TBC1D21: variants seen among roughly 807,000 people sequenced by gnomAD.
TBC1D21 encodes the protein TBC1 domain family member 21.
In TBC1D21, 38 loss-of-function variants were observed where a neutral mutation model predicts 46.0. That is an observed-to-expected ratio of 0.83 (90% CI 0.64 to 1.08). TBC1D21 has a LOEUF of 1.08. Ranked by LOEUF, TBC1D21 falls within the 50% of genes least tolerant of loss-of-function variation. The probability of loss-of-function intolerance (pLI) is 0.00; values close to 1 mark genes in which losing one functional copy is unlikely to be tolerated. For missense variants in TBC1D21, 415 were observed against 417.9 expected (o/e 0.99, Z 0.06); for synonymous variants, 151 against 157.2 (o/e 0.96, Z 0.29).
chr15:73,888,346 G>A (rs1190759239), intron 9 of TBC1D21, 84 bp from the exon 10 acceptor site: 2 of 1,133,454 alleles, frequency 1.8e-6, no homozygotes, highest in Non-Finnish European at 2.6e-6. Context: ...TTCCCTGGGT[G>A]CTGCAGGCAG....
chr15:73,877,719 T>A (rs1250098191), intron 1 of TBC1D21, among the ~76,000 whole-genome samples: 1 of 152,194 alleles, frequency 6.6e-6, no homozygotes, highest in East Asian at 1.9e-4. Flanking sequence ...TAGTATATCA[T>A]CACCAAGTGG....
intron 6 of TBC1D21, 77 bp from the exon 7 acceptor site, chr15:73,886,001 C>A: frequency 8.1e-7 from 1 of 1,239,572 alleles, no homozygotes; most frequent in Non-Finnish European, 1.2e-6. Context: ...AGAAGTGAAG[C>A]TGGGGGAAGC....
chr15:73,879,566 G>T (rs559115869), intron 1 of TBC1D21, among the ~76,000 whole-genome samples: 6 of 152,172 alleles, frequency 3.9e-5, no homozygotes, highest in African/African-American at 1.4e-4. Flanking sequence ...TGGACTAGCA[G>T]CATCACCTGT....
chr15:73,876,134 A>C (rs1338613183), intron 1 of TBC1D21, among the ~76,000 whole-genome samples: 1 of 147,384 alleles, frequency 6.8e-6, no homozygotes, highest in Non-Finnish European at 1.5e-5. Flanking sequence ...GGAGAGATAC[A>C]GGGAACTGGT....
the TBC1D21 span, among the ~76,000 whole-genome samples, chr15:73,904,715 G>A: frequency 2.0e-5 from 3 of 152,134 alleles, no homozygotes; most frequent in Admixed American, 6.5e-5. Context: ...AAGGAGGGAC[G>A]AGAGGAGCTC....
At chr15:73,895,606 C>G in the TBC1D21 span, among the ~76,000 whole-genome samples, 1 of 152,238 alleles carries the variant, frequency 6.6e-6, no homozygotes, top group Non-Finnish European at 1.5e-5. Flanking sequence ...GGTAGTGCAG[C>G]ATTCAGAGGC....
At chr15:73,875,888 G>A (rs950032887) in intron 1 of TBC1D21, among the ~76,000 whole-genome samples, 4 of 152,188 alleles carry the variant, frequency 2.6e-5, no homozygotes, top group South Asian at 2.1e-4. Context: ...ATGGGAAGAT[G>A]AAGGTTGATT....
chr15:73,898,171 A>C, the TBC1D21 span, among the ~76,000 whole-genome samples: 1 of 152,254 alleles, frequency 6.6e-6, no homozygotes, highest in Non-Finnish European at 1.5e-5. Context: ...GCGCAGGCTC[A>C]CCCAGGGAGC....
chr15:73,888,955 C>A, intron 10 of TBC1D21, 114 bp from the exon 11 acceptor site: 1 of 1,258,862 alleles, frequency 7.9e-7, no homozygotes, highest in Non-Finnish European at 1.1e-6. Flanking sequence ...TCCCTGTGTC[C>A]ATCCCAGTGG....
intron 1 of TBC1D21, among the ~76,000 whole-genome samples, chr15:73,877,343 G>A (rs1361898423): frequency 6.6e-6 from 1 of 151,394 alleles, no homozygotes; most frequent in Non-Finnish European, 1.5e-5. Flanking sequence ...AATTTTTAAA[G>A]TAAAAAATAA....
intron 1 of TBC1D21, among the ~76,000 whole-genome samples, chr15:73,880,551 A>C (rs1299667769): frequency 1.3e-5 from 2 of 152,174 alleles, no homozygotes; most frequent in Non-Finnish European, 2.9e-5. Flanking sequence ...CAGGTGGATC[A>C]CCTGAGGCCA....
At chr15:73,886,714 G>C in intron 8 of TBC1D21, 102 bp downstream of exon 8, 2 of 1,117,140 alleles carry the variant, frequency 1.8e-6, no homozygotes, top group South Asian at 2.6e-5. Flanking sequence ...GGCTTGGATG[G>C]AGTTCAGTAT....
chr15:73,876,212 T>TG (rs1567062301), intron 1 of TBC1D21, among the ~76,000 whole-genome samples: 2,008 of 36,434 alleles, frequency 0.055, 521 homozygotes, highest in East Asian at 0.27. Flanking sequence ...TTTTTTTTTT[T>TG]TTTTTTTTTT....
chr15:73,905,458 G>A, the TBC1D21 span, among the ~76,000 whole-genome samples: 198 of 152,296 alleles, frequency 1.3e-3, 2 homozygotes, highest in East Asian at 7.7e-4. Context: ...GCTGAATTCA[G>A]TACAACCTTT....
chr15:73,901,640 G>A, the TBC1D21 span, among the ~76,000 whole-genome samples: 16 of 152,158 alleles, frequency 1.1e-4, no homozygotes, highest in Non-Finnish European at 2.2e-4. Context: ...GGAGACTCTA[G>A]GGGAGGATCT....
chr15:73,908,103 T>G, the TBC1D21 span: 24 of 152,372 alleles, frequency 1.6e-4, no homozygotes, highest in African/African-American at 5.3e-4. Flanking sequence ...ATTCTCACAT[T>G]TATTGAGATG....
intron 1 of TBC1D21, among the ~76,000 whole-genome samples, chr15:73,879,043 T>C (rs1006949864): frequency 1.3e-5 from 2 of 152,224 alleles, no homozygotes; most frequent in African/African-American, 4.8e-5. Flanking sequence ...TGTAACTTCT[T>C]GGCCCATGTG....
chr15:73,888,534 GTCCTCC>G, intron 10 of TBC1D21, 21 bp downstream of exon 10: 1 of 1,571,190 alleles, frequency 6.4e-7, no homozygotes, highest in Non-Finnish European at 8.7e-7. Flanking sequence ...CCAATGATGT[GTCCTCC>G]TCCTCCTCTT....
intron 1 of TBC1D21, among the ~76,000 whole-genome samples, chr15:73,877,895 T>TAG (rs149321787): frequency 0.13 from 19,231 of 152,190 alleles, 1,474 homozygotes; most frequent in South Asian, 0.23. Flanking sequence ...CTCAGCATGC[T>TAG]AGAACTGGAA....
Sources: gnomAD v4.1 joint callset for allele counts (sites outside exome capture counted in the v4.1 genomes callset) on GRCh38, gnomAD v4.1.1 for gene constraint, MANE v1.5 for transcripts, NCBI Gene and HGNC (gene_info 2026-07-23, HGNC 2026-07-21) for gene names.